ENKUR: variants seen among roughly 807,000 people sequenced by gnomAD.
ENKUR encodes the protein enkurin, TRPC channel interacting protein.
ENKUR carries 19 observed loss-of-function variants against 27.6 expected under a neutral mutation model. The observed-to-expected ratio is 0.69, with a 90% CI of 0.48 to 1.01. The LOEUF is 1.01. Among genes scored for constraint, ENKUR ranks in the 50% least tolerant of loss-of-function variants. The pLI is 0.00. For synonymous variants in ENKUR, 117 were observed against 96.9 expected, an observed-to-expected ratio of 1.21 and a Z score of -1.22; for missense variants, 312 against 310.5, an observed-to-expected ratio of 1.00 and a Z score of -0.04.
At chr10:25,058,351 G>C (rs936924962) in intron 2 of ENKUR, among the ~76,000 whole-genome samples, 2 of 152,022 alleles carry the variant, frequency 1.3e-5, no homozygotes, top group Non-Finnish European at 2.9e-5. Context: ...GGGACTACAG[G>C]CATGCACCAC....
chr10:25,027,539 CA>C (rs34834135), intron 2 of ENKUR, among the ~76,000 whole-genome samples: 30,225 of 99,904 alleles, frequency 0.3, 3,898 homozygotes, highest in East Asian at 0.53. Flanking sequence ...ACTCCGTCTC[CA>C]AAAAAAAAAA....
chr10:25,033,874 CTA>C (rs1468961026), intron 2 of ENKUR, among the ~76,000 whole-genome samples: 4 of 148,450 alleles, frequency 2.7e-5, no homozygotes, highest in Admixed American at 2.0e-4. Context: ...TATCAATCAT[CTA>C]TTGTCTGTCT....
chr10:24,990,640 A>T (rs747755565), intron 3 of ENKUR, 31 bp from the exon 4 acceptor site: 1 of 1,580,196 alleles, frequency 6.3e-7, no homozygotes, highest in Admixed American at 1.9e-5. Flanking sequence ...AAAGTAATCA[A>T]TATTTTGTAT....
intron 1 of ENKUR, among the ~76,000 whole-genome samples, chr10:25,014,594 ACT>A (rs1271891344): frequency 5.9e-5 from 9 of 152,140 alleles, no homozygotes; most frequent in Admixed American, 2.0e-4. Flanking sequence ...TAATAAAATA[ACT>A]CTCAAATTCA....
At chr10:25,056,474 G>T (rs773439229) in intron 2 of ENKUR, among the ~76,000 whole-genome samples, 1 of 152,188 alleles carries the variant, frequency 6.6e-6, no homozygotes, top group Non-Finnish European at 1.5e-5. Context: ...TAAAAAGGTA[G>T]AACTTCATCA....
chr10:25,045,454 TA>T (rs1851112386), intron 2 of ENKUR, among the ~76,000 whole-genome samples: 1 of 151,984 alleles, frequency 6.6e-6, no homozygotes, highest in African/African-American at 2.4e-5. Flanking sequence ...TTTCTTTCTA[TA>T]AAAAAAGAGG....
At chr10:24,998,567 C>T (rs1366561763) in intron 2 of ENKUR, among the ~76,000 whole-genome samples, 13 of 151,816 alleles carry the variant, frequency 8.6e-5, no homozygotes, top group South Asian at 2.1e-4. Flanking sequence ...TTTTTTTGTA[C>T]GGACGGGGTC....
chr10:25,037,099 G>A (rs1851017255), intron 2 of ENKUR, among the ~76,000 whole-genome samples: 1 of 152,242 alleles, frequency 6.6e-6, no homozygotes, highest in African/African-American at 2.4e-5. Flanking sequence ...CTGGAACAAA[G>A]AGTGCCTGTA....
chr10:24,992,571 G>A (rs933908309), intron 3 of ENKUR, among the ~76,000 whole-genome samples: 4 of 152,288 alleles, frequency 2.6e-5, no homozygotes, highest in Admixed American at 2.0e-4. Flanking sequence ...ATGACTTGCT[G>A]TGTCTTTTCC....
At chr10:25,029,296 ATTAAT>A (rs1452981707) in intron 2 of ENKUR, among the ~76,000 whole-genome samples, 4 of 152,176 alleles carry the variant, frequency 2.6e-5, no homozygotes, top group African/African-American at 4.8e-5. Context: ...TTTCACTGAA[ATTAAT>A]TTAAATAGCC....
chr10:25,029,932 G>GCTGT (rs1407639827), intron 2 of ENKUR, among the ~76,000 whole-genome samples: 38 of 152,326 alleles, frequency 2.5e-4, no homozygotes, highest in African/African-American at 8.9e-4. Flanking sequence ...GTAGAAGGAT[G>GCTGT]CTGTAGTCAC....
intron 2 of ENKUR, among the ~76,000 whole-genome samples, chr10:25,031,707 G>GTTATAGGT (rs1850936784): frequency 1.5e-5 from 2 of 137,816 alleles, no homozygotes. Context: ...TAACTTTTCT[G>GTTATAGGT]TTATAGGTTA....
At chr10:25,032,784 A>G (rs1039226668) in intron 2 of ENKUR, among the ~76,000 whole-genome samples, 2 of 152,098 alleles carry the variant, frequency 1.3e-5, no homozygotes, top group Non-Finnish European at 2.9e-5. Flanking sequence ...TGTATTTGTC[A>G]GCTTATGACT....
At chr10:24,993,541 G>C (rs73608208) in intron 3 of ENKUR, among the ~76,000 whole-genome samples, 4,402 of 152,246 alleles carry the variant, frequency 0.029, 143 homozygotes, top group African/African-American at 0.079. Context: ...TAATTCACTT[G>C]GAGCTGAAAT....
chr10:25,042,729 C>T (rs987970150), intron 2 of ENKUR, among the ~76,000 whole-genome samples: 7 of 151,846 alleles, frequency 4.6e-5, no homozygotes, highest in African/African-American at 1.7e-4. Flanking sequence ...TGGCTTATGC[C>T]CATAATCCCA....
At chr10:25,061,451 A>C in intron 1 of ENKUR, 1 of 319,926 alleles carries the variant, frequency 3.1e-6, no homozygotes, top group Admixed American at 4.8e-5. Context: ...TCTGCTCCTC[A>C]TTGCCTGAGC....
In ENKUR at chr10:25,024,130, G is replaced by T. The variant is rs116200992; in HGVS notation, c.38-28261C>A. ...ACTGTTGGAAAGATGTATCCATCCT[G>T]CAGACATACCTGCTGCCAGGTTGGG... On this transcript the variant is annotated intron_variant, in intron 2 of 5. Coordinates refer to the ENKUR transcript ENST00000615958. 1.0e-3 allele frequency: 1,647 copies of T among 1,614,186 alleles called. 14 individuals are homozygous for T. In the African/African-American group the frequency reaches 0.018, roughly 17 times the overall value.
chr10:25,052,952 A>G (rs1052312251), intron 2 of ENKUR, among the ~76,000 whole-genome samples: 2 of 151,954 alleles, frequency 1.3e-5, no homozygotes, highest in African/African-American at 4.8e-5. Context: ...TATTTTTACT[A>G]GAGACAGGGT....
intron 2 of ENKUR, chr10:25,025,039 C>T: frequency 6.2e-7 from 1 of 1,614,192 alleles, no homozygotes; most frequent in Middle Eastern, 1.7e-4. Context: ...AGAAAAGGCT[C>T]TAGTTGAGAA....
Sources: allele counts gnomAD v4.1 joint callset (sites outside exome capture counted in the v4.1 genomes callset), GRCh38; gene constraint gnomAD v4.1.1; transcripts MANE v1.5; gene names NCBI Gene and HGNC (gene_info 2026-07-23, HGNC 2026-07-21).